The following RBFOX1 variants were observed in gnomAD, a reference collection of about 807,000 sequenced individuals.
RBFOX1 encodes the protein RNA binding fox-1 homolog 1, also known as RNA binding protein fox-1 homolog 1.
In RBFOX1, 8 loss-of-function variants were observed where a neutral mutation model predicts 57.7. The observed-to-expected ratio is 0.14, with a 90% CI of 0.08 to 0.25. The LOEUF (loss-of-function observed/expected upper bound fraction) is 0.25, where lower values mean the gene tolerates loss of function less well. RBFOX1 is among the 10% of genes least tolerant of loss of function. RBFOX1 has a pLI of 1.00. For synonymous variants in RBFOX1, 326 were observed against 222.4 expected, an observed-to-expected ratio of 1.47 and a Z score of -4.15; for missense variants, 611 against 548.5, an observed-to-expected ratio of 1.11 and a Z score of -1.14.
chr16:7,138,022 G>T (rs1360820767), intron 4 of RBFOX1, among the ~76,000 whole-genome samples: 1 of 152,208 alleles, frequency 6.6e-6, no homozygotes, highest in Non-Finnish European at 1.5e-5. Flanking sequence ...TGCCCGAGGT[G>T]ACACAGCAGA....
chr16:6,229,160 C>T (rs1477883567), intron 1 of RBFOX1, among the ~76,000 whole-genome samples: 2 of 152,018 alleles, frequency 1.3e-5, no homozygotes, highest in African/African-American at 4.8e-5. Flanking sequence ...TACCTTTTAC[C>T]CCCCGAGACT....
intron 1 of RBFOX1, among the ~76,000 whole-genome samples, chr16:6,119,991 A>G (rs955240502): frequency 3.3e-5 from 5 of 152,138 alleles, no homozygotes; most frequent in Non-Finnish European, 7.3e-5. Context: ...TTCTCTATGT[A>G]TAGATTTTCC....
intron 4 of RBFOX1, among the ~76,000 whole-genome samples, chr16:7,387,133 C>T (rs1027470509): frequency 2.0e-5 from 3 of 152,070 alleles, no homozygotes; most frequent in African/African-American, 7.2e-5. Flanking sequence ...AGCCCTTTGT[C>T]AGATGAATAG....
intron 3 of RBFOX1, among the ~76,000 whole-genome samples, chr16:6,683,393 GTCTT>G (rs1343317755): frequency 6.6e-6 from 1 of 152,094 alleles, no homozygotes; most frequent in African/African-American, 2.4e-5. Flanking sequence ...GTAGGAGACT[GTCTT>G]TATTAGGAGA....
At chr16:6,081,456 T>C (rs2096000643) in intron 1 of RBFOX1, among the ~76,000 whole-genome samples, 1 of 152,198 alleles carries the variant, frequency 6.6e-6, no homozygotes, top group Admixed American at 6.5e-5. Context: ...GCTTCTGAGC[T>C]GAAGATGAAG....
chr16:7,000,817 T>C (rs923822498), intron 3 of RBFOX1, among the ~76,000 whole-genome samples: 2 of 152,062 alleles, frequency 1.3e-5, no homozygotes, highest in Admixed American at 6.6e-5. Flanking sequence ...TTAGCCAGGA[T>C]GCTCTCGATC....
intron 4 of RBFOX1, among the ~76,000 whole-genome samples, chr16:7,475,952 A>G (rs963618402): frequency 2.0e-5 from 3 of 152,030 alleles, no homozygotes; most frequent in Non-Finnish European, 2.9e-5. Context: ...GTAGAGTAAG[A>G]CATTATTTTA....
intron 1 of RBFOX1, among the ~76,000 whole-genome samples, chr16:6,268,597 T>A (rs972439809): frequency 6.6e-6 from 1 of 152,186 alleles, no homozygotes; most frequent in African/African-American, 2.4e-5. Context: ...CTGACTATAG[T>A]TCAGTTTGTT....
At chr16:6,660,032 A>G (rs73529856) in intron 3 of RBFOX1, among the ~76,000 whole-genome samples, 8,719 of 151,950 alleles carry the variant, frequency 0.057, 282 homozygotes, top group African/African-American at 0.067. Flanking sequence ...CGAGACCACC[A>G]TGGCCAACAT....
At chr16:5,813,687 T>G (rs2151785723) in intron 3 of RBFOX1, among the ~76,000 whole-genome samples, 1 of 152,354 alleles carries the variant, frequency 6.6e-6, no homozygotes. Flanking sequence ...ATAGTTTATC[T>G]GTATCATAGA....
chr16:5,965,882 C>T (rs914729640), intron 4 of RBFOX1, among the ~76,000 whole-genome samples: 8 of 152,064 alleles, frequency 5.3e-5, no homozygotes, highest in African/African-American at 1.9e-4. Context: ...CCTCCTCCAG[C>T]TCACACCTCT....
At chr16:5,343,579 C>T (rs772959359) in intron 1 of RBFOX1, among the ~76,000 whole-genome samples, 3 of 151,982 alleles carry the variant, frequency 2.0e-5, no homozygotes, top group Non-Finnish European at 4.4e-5. Flanking sequence ...CCTTGGCCTC[C>T]CAAAGTGCTG....
chr16:7,159,661 A>T (rs907517421), intron 4 of RBFOX1, among the ~76,000 whole-genome samples: 6 of 152,160 alleles, frequency 3.9e-5, no homozygotes, highest in Admixed American at 1.3e-4. Flanking sequence ...GAGAGCGCAC[A>T]ATTTGCAGAA....
At chr16:5,659,970 G>A (rs1017326837) in intron 3 of RBFOX1, among the ~76,000 whole-genome samples, 5 of 152,200 alleles carry the variant, frequency 3.3e-5, no homozygotes, top group Admixed American at 6.5e-5. Context: ...ATAAATCACA[G>A]GTTGCAGTAT....
chr16:7,179,966 C>T (rs895111775), intron 4 of RBFOX1, among the ~76,000 whole-genome samples: 4 of 151,772 alleles, frequency 2.6e-5, no homozygotes, highest in Non-Finnish European at 4.4e-5. Context: ...AGATCTAGAA[C>T]TCCTGACCTC....
At chr16:6,896,902 T>A (rs977817604) in intron 3 of RBFOX1, among the ~76,000 whole-genome samples, 29 of 152,066 alleles carry the variant, frequency 1.9e-4, no homozygotes, top group East Asian at 1.2e-3. Context: ...GTGACATTTT[T>A]AAAAAAAATG....
chr16:7,624,022 A>T (rs554046726), intron 10 of RBFOX1, among the ~76,000 whole-genome samples: 11 of 152,348 alleles, frequency 7.2e-5, no homozygotes, highest in African/African-American at 2.6e-4. Context: ...CGATGAAATG[A>T]GTGACAGTGT....
intron 4 of RBFOX1, among the ~76,000 whole-genome samples, chr16:7,292,941 G>T (rs1290838338): frequency 6.6e-6 from 1 of 151,876 alleles, no homozygotes; most frequent in African/African-American, 2.4e-5. Flanking sequence ...AGGAAACAGA[G>T]GATGAAGGGG....
rs569658763 is a variant in RBFOX1 at position 6,455,236 on chromosome 16, G to T, written c.-64+138179G>T. 4.6e-5 allele frequency among the ~76,000 whole-genome samples: 7 copies of T among 152,060 alleles called. No homozygotes were observed. In the South Asian group the frequency reaches 1.0e-3, roughly 23 times the overall value. ...GCCCTATTTTAGAAGAGGAAGAAAA[G>T]ATTTTTACCCTCAAGGAATCTTCAG... On this transcript the variant is annotated intron_variant, in intron 2 of 15. Transcript: ENST00000550418.
Sources: gnomAD v4.1 joint callset for allele counts (sites outside exome capture counted in the v4.1 genomes callset) on GRCh38, gnomAD v4.1.1 for gene constraint, MANE v1.5 for transcripts, NCBI Gene and HGNC (gene_info 2026-07-23, HGNC 2026-07-21) for gene names.